Variants in SRF observed in about 807,000 individuals in gnomAD.
The protein encoded by SRF is c-fos serum response element-binding transcription factor.
A neutral mutation model predicts 37.1 loss-of-function variants in SRF; 7 were observed. That is an observed-to-expected ratio of 0.19 (90% confidence interval 0.11 to 0.35). The LOEUF (loss-of-function observed/expected upper bound fraction) is 0.35, where lower values mean the gene tolerates loss of function less well. Among genes scored for constraint, SRF ranks in the 10% least tolerant of loss-of-function variants. SRF has a pLI of 1.00. For synonymous variants in SRF, 285 were observed against 310.1 expected (o/e 0.92, Z 0.85); for missense variants, 395 against 694.4 (o/e 0.57, Z 4.85).
At chr6:43,174,224 C>T (rs146562071) in intron 2 of SRF, 111 bp downstream of exon 2, 20,857 of 1,373,874 alleles carry the variant, frequency 0.015, 198 homozygotes, top group Non-Finnish European at 0.019. Flanking sequence ...GCCGGATTAA[C>T]GACCCTCGTC....
At position 43,176,119 on chromosome 6, in the gene SRF, C is replaced by T. The variant is rs189475899; in HGVS notation, c.1042+152C>T. The T allele has an allele frequency of 2.2e-5, 25 of 1,112,454 alleles. No individual in the cohort carries two copies. Among genetic ancestry groups the T allele is most frequent in the African/African-American group, 9.4e-5 (6 of 63,734 alleles). The allele number at this position is 1,112,454 out of a possible 1,614,324, so 68.9% of individuals were successfully genotyped here. ...AGCCTGAGCGAAGCCTCTTATATCC[C>T]GTTGGCAGGCATACCTCTGCCCACT... is the stretch of plus-strand genomic sequence containing the variant. On this transcript the variant is annotated intron_variant, in intron 3 of 6. Transcript: ENST00000265354. The surrounding 1 kb of genome is among the most constrained non-coding windows in gnomAD (Gnocchi z 4.0).
Position 43,171,875 on chromosome 6 carries a change from G to A in SRF, c.219G>A (p.Gly73=). ...CAACCACCCCGGCGCCCACCGCGGG[G>A]GCCCTCTACAGCGGCAGCGAGGGCG... The part of the protein sequence containing the change: ...AAATTPAPTA[G]ALYSGSEGDS... Residue 73 remains glycine (G), a synonymous_variant, in exon 1 of 7, where the codon GGG becomes GGA. Transcript: ENST00000265354. The surrounding 1 kb of genome is among the most constrained non-coding windows in gnomAD (Gnocchi z 6.5). 7.4e-7 allele frequency: 1 copy of A among 1,353,152 alleles called. No homozygotes were observed. Among genetic ancestry groups the A allele is most frequent in the Non-Finnish European group, 9.5e-7 (1 of 1,055,528 alleles). 83.8% of individuals were successfully genotyped at this position (1,353,152 alleles called of 1,614,324 possible). A position where few individuals can be genotyped will look rare whatever the true frequency, so the allele number is the denominator to read the frequency against.
intron 2 of SRF, among the ~76,000 whole-genome samples, chr6:43,174,712 A>C (rs1242975896): frequency 1.3e-5 from 2 of 152,188 alleles, no homozygotes; most frequent in Non-Finnish European, 2.9e-5. Context: ...TCCGGGTGGC[A>C]CTTAACTGAC....
rs1050997301 is a variant in SRF, at chr6:43,176,214, G to A, written c.1042+247G>A. 2.6e-5 allele frequency among the ~76,000 whole-genome samples: 4 copies of A among 152,116 alleles called. No individual in the cohort carries two copies. The highest frequency in any genetic ancestry group is 6.5e-5 in the Admixed American group (1 of 15,278). On this transcript the variant is annotated intron_variant, in intron 3 of 6. Coordinates refer to ENST00000265354, the MANE Select transcript of SRF (RefSeq NM_003131.4). This position sits in a 1 kb window ranked among gnomAD's most constrained non-coding sequence, Gnocchi z 4.0. The stretch of plus-strand genomic sequence containing the variant: ...GGCCCTGTCTAGCTACCCCAGCCCC[G>A]TGCCCTCATTGCCACAGGGCAGTAG...
Position 43,171,901 on chromosome 6 carries a change from A to G in SRF, c.245A>G (p.Asp82Gly), listed in dbSNP as rs1772109931. 1.4e-6 allele frequency: 2 copies of G among 1,417,030 alleles called. No homozygotes were observed. 87.8% of individuals were successfully genotyped at this position (1,417,030 alleles called of 1,614,324 possible). ...AGALYSGSEG[D>G]SESGEEEELG... ...GCCCTCTACAGCGGCAGCGAGGGCG[A>G]CTCGGAGTCGGGCGAGGAGGAGGAG... The change falls in exon 1 of 7, where the codon GAC becomes GGC. Residue 82 changes from aspartate (D) to glycine (G), a missense_variant. Physicochemically the swap from Asp to Gly is moderately conservative, Grantham distance 94. Around this residue, in one of 4 missense-constraint regions of SRF, gnomAD observed 134 missense variants for 204.5 expected, o/e 0.66. Transcript: ENST00000265354. The surrounding 1 kb of genome is among the most constrained non-coding windows in gnomAD (Gnocchi z 6.5).
chr6:43,172,240 G>A lies in SRF; in HGVS notation c.513+71G>A. 1 of 1,551,198 alleles carries A rather than the reference G, an allele frequency of 6.4e-7. No individual in the cohort carries two copies. The highest frequency in any genetic ancestry group is 1.2e-5 in the South Asian group (1 of 86,274). On this transcript the variant is annotated intron_variant, in intron 1 of 6. Coordinates refer to ENST00000265354, the MANE Select transcript of SRF (RefSeq NM_003131.4). This position sits in a 1 kb window ranked among gnomAD's most constrained non-coding sequence, Gnocchi z 5.7. Reference sequence around the variant, plus strand: ...GGGATGTGCAAAGGGAGCCCGGGAGGACCGCAGAGCCGAGGCGGAGGTGAG... The same window carrying A: ...GGGATGTGCAAAGGGAGCCCGGGAGAACCGCAGAGCCGAGGCGGAGGTGAG...
chr6:43,176,425 G>T lies in SRF; in HGVS notation c.1043-123G>T. On this transcript the variant is annotated intron_variant, in intron 3 of 6. Coordinates refer to ENST00000265354, the MANE Select transcript of SRF (RefSeq NM_003131.4). This position sits in a 1 kb window ranked among gnomAD's most constrained non-coding sequence, Gnocchi z 4.0. Reference sequence around the variant, plus strand: ...GCCTGAAGGGCCTCTTTGGCTTCCAGGAAAGATAGTGATGGGAGTTGGAGA... The same window carrying T: ...GCCTGAAGGGCCTCTTTGGCTTCCATGAAAGATAGTGATGGGAGTTGGAGA... 2 of 1,482,468 alleles carry T rather than the reference G, an allele frequency of 1.3e-6. No homozygotes were observed. Among genetic ancestry groups the T allele is most frequent in the Middle Eastern group, 2.1e-4 (1 of 4,740 alleles). 91.8% of individuals were successfully genotyped at this position (1,482,468 alleles called of 1,614,324 possible).
chr6:43,175,764 A>G lies in SRF; in HGVS notation c.839A>G (p.Gln280Arg), dbSNP rs1370780186. Residue 280 changes from glutamine to arginine, a missense_variant, in exon 3 of 7, where the codon CAA (glutamine) becomes CGA (arginine). Gln to Arg is a conservative substitution (Grantham distance 43). Around this residue, in one of 4 missense-constraint regions of SRF, gnomAD observed 232 missense variants for 335.6 expected, o/e 0.69. Transcript: ENST00000265354. Reference sequence around the variant, plus strand: ...CTGCCGGGTACAACCTCCACCATCCAAACAGCACCTAGCACCTCTACCACC... The same window carrying G: ...CTGCCGGGTACAACCTCCACCATCCGAACAGCACCTAGCACCTCTACCACC... ...TNLPGTTSTI[Q>R]TAPSTSTTMQ... The G allele has an allele frequency of 1.2e-6, 2 of 1,614,204 alleles. No homozygotes were observed. Among genetic ancestry groups the G allele is most frequent in the South Asian group, 2.2e-5 (2 of 91,086 alleles).
Position 43,178,536 on chromosome 6 carries a change from C to CAT in SRF, c.1354+52_1354+53insTA. On this transcript the variant is annotated intron_variant, in intron 5 of 6. Transcript: ENST00000265354. The surrounding 1 kb of genome is among the most constrained non-coding windows in gnomAD (Gnocchi z 4.3). ...AAGGAGGACCGTTTCCTTCTTTATA[C>CAT]ACACACACACACACACATACACACA... 2.2e-6 allele frequency: 2 copies of CAT among 906,516 alleles called. No individual in the cohort carries two copies. Among genetic ancestry groups the CAT allele is most frequent in the Non-Finnish European group, 1.5e-6 (1 of 652,014 alleles). The allele number at this position is 906,516 out of a possible 1,614,324, so 56.2% of individuals were successfully genotyped here.
chr6:43,171,883 A>G lies in SRF; in HGVS notation c.227A>G (p.Tyr76Cys). The G allele has an allele frequency of 1.4e-6, 2 of 1,398,824 alleles. No individual in the cohort carries two copies. The highest frequency in any genetic ancestry group is 1.6e-5 in the South Asian group (1 of 63,420). 86.7% of individuals were successfully genotyped at this position (1,398,824 alleles called of 1,614,324 possible). ...TTPAPTAGAL[Y>C]SGSEGDSESG... is the part of the protein sequence containing the mutation. ...CCGGCGCCCACCGCGGGGGCCCTCT[A>G]CAGCGGCAGCGAGGGCGACTCGGAG... The change falls in exon 1 of 7, where the codon TAC becomes TGC. Residue 76 changes from tyrosine (Y) to cysteine (C), a missense_variant. By Grantham distance (194) the Tyr-to-Cys change is radical. Coordinates refer to ENST00000265354, the MANE Select transcript of SRF (RefSeq NM_003131.4). The surrounding 1 kb of genome is among the most constrained non-coding windows in gnomAD (Gnocchi z 6.5).
chr6:43,177,228 G>GTTTTTTTTTTTTTTTTTTTTTTT lies in SRF; in HGVS notation c.1162+578_1162+579insTTTTTTTTTTTTTTTTTTTTTTT, dbSNP rs544658252. Reference sequence around the variant, plus strand: ...CCCCAAACCTAGTGAATCGGAGTCTGTTTTTTTTTTTTTTTTTGAGACGGA... The same window carrying GTTTTTTTTTTTTTTTTTTTTTTT: ...CCCCAAACCTAGTGAATCGGAGTCTGTTTTTTTTTTTTTTTTTTTTTTTTTTTTTTTTTTTTTTTTGAGACGGA... On this transcript the variant is annotated intron_variant, in intron 4 of 6. Transcript: ENST00000265354. Among the ~76,000 whole-genome samples, 37 of 116,804 alleles carry GTTTTTTTTTTTTTTTTTTTTTTT rather than the reference G, an allele frequency of 3.2e-4. 4 individuals are homozygous for GTTTTTTTTTTTTTTTTTTTTTTT. The highest frequency in any genetic ancestry group is 9.2e-4 in the African/African-American group (24 of 26,180). The allele number at this position is 116,804 out of a possible 152,430, so 76.6% of individuals were successfully genotyped here. A position where few individuals can be genotyped will look rare whatever the true frequency, so the allele number is the denominator to read the frequency against.
chr6:43,181,364 G>A lies in SRF; in HGVS notation c.*2174G>A, dbSNP rs943093909. ...CCTGAGTGAGTGTGTGTGCTTGAATGTGAGTGTGTATGTCAGTGGTTTCTA... is the reference window on the plus strand; with the variant it reads ...CCTGAGTGAGTGTGTGTGCTTGAATATGAGTGTGTATGTCAGTGGTTTCTA... On this transcript the variant is annotated 3_prime_UTR_variant, in exon 7 of 7. Coordinates refer to ENST00000265354, the MANE Select transcript of SRF (RefSeq NM_003131.4). The A allele has an allele frequency of 6.5e-6, 1 of 152,832 alleles. No homozygotes were observed. Among genetic ancestry groups the A allele is most frequent in the African/African-American group, 2.4e-5 (1 of 41,420 alleles). 9.5% of individuals were successfully genotyped at this position (152,832 alleles called of 1,614,324 possible).
intron 2 of SRF, among the ~76,000 whole-genome samples, chr6:43,175,086 A>G (rs1772172605): frequency 6.6e-6 from 1 of 152,192 alleles, no homozygotes; most frequent in South Asian, 2.1e-4. Flanking sequence ...ATAGTGTGTC[A>G]TTGCCAGATT....
intron 4 of SRF, among the ~76,000 whole-genome samples, chr6:43,177,882 C>T (rs1262944188): frequency 5.4e-5 from 8 of 149,272 alleles, no homozygotes; most frequent in Middle Eastern, 3.2e-3. Context: ...GCCACTGCAC[C>T]CCAGCCTGGG....
At chr6:43,177,195 G>C (rs1216582487) in intron 4 of SRF, among the ~76,000 whole-genome samples, 1 of 149,224 alleles carries the variant, frequency 6.7e-6, no homozygotes, top group African/African-American at 2.5e-5. Context: ...ACAGAATCTT[G>C]AGTCTCACCC....
In SRF at chr6:43,178,263, T is replaced by C. The variant is rs1562001265; in HGVS notation, c.1163-31T>C. 1.3e-6 allele frequency: 2 copies of C among 1,569,684 alleles called. No homozygotes were observed. The highest frequency in any genetic ancestry group is 3.4e-5 in the Admixed American group (2 of 58,406). On this transcript the variant is annotated intron_variant, in intron 4 of 6. Coordinates refer to ENST00000265354, the MANE Select transcript of SRF (RefSeq NM_003131.4). This position sits in a 1 kb window ranked among gnomAD's most constrained non-coding sequence, Gnocchi z 4.3. ...AATGGGAGTTATCAGTGGGGACCAG[T>C]GCCGAGCTGACACATGTCTGTGTTT...
chr6:43,179,939 T>C lies in SRF; in HGVS notation c.*749T>C, dbSNP rs1003254142. On this transcript the variant is annotated 3_prime_UTR_variant, in exon 7 of 7. Transcript: ENST00000265354. The surrounding 1 kb of genome is among the most constrained non-coding windows in gnomAD (Gnocchi z 5.3). ...CGAAGTGAAAACAAATCTATAAATA[T>C]ATATTTTTAAAATATTTAACTTTTT... 6.6e-6 allele frequency: 1 copy of C among 152,440 alleles called. No individual in the cohort carries two copies. The highest frequency in any genetic ancestry group is 2.4e-5 in the African/African-American group (1 of 41,454). 9.4% of individuals were successfully genotyped at this position (152,440 alleles called of 1,614,324 possible).
intron 4 of SRF, among the ~76,000 whole-genome samples, chr6:43,177,449 C>G (rs1772224469): frequency 1.3e-5 from 2 of 150,770 alleles, no homozygotes. Flanking sequence ...CCAGGATGGT[C>G]TCGATCTCCT....
intron 2 of SRF, 31 bp from the exon 3 acceptor site, chr6:43,175,675 G>T: frequency 6.2e-7 from 1 of 1,611,780 alleles, no homozygotes; most frequent in Non-Finnish European, 8.5e-7. Flanking sequence ...TCTGGTAGGG[G>T]CTCATTGCTT....
Sources: allele counts gnomAD v4.1 joint callset (sites outside exome capture counted in the v4.1 genomes callset), GRCh38; gene constraint gnomAD v4.1.1; regional missense constraint gnomAD v4.1.1; non-coding constraint Gnocchi (gnomAD v3.1); transcripts MANE v1.5; gene names NCBI Gene and HGNC (gene_info 2026-07-23, HGNC 2026-07-21).